Variants in FRMPD4 observed in about 807,000 individuals in gnomAD.
FRMPD4 encodes FERM and PDZ domain-containing protein 4.
Under a neutral mutation model 94.1 loss-of-function variants are expected in FRMPD4, and 22 were observed. The observed-to-expected ratio is 0.23, with a 90% CI of 0.17 to 0.33. The LOEUF is 0.33. FRMPD4 is among the 10% of genes least tolerant of loss of function. FRMPD4 has a pLI of 1.00. For synonymous variants in FRMPD4, 631 were observed against 548.6 expected, an observed-to-expected ratio of 1.15 and a Z score of -2.10; for missense variants, 1,111 against 1,339.9, an observed-to-expected ratio of 0.83 and a Z score of 2.67.
chrX:12,634,958 C>G (rs951107046), intron 4 of FRMPD4, among the ~76,000 whole-genome samples: 2 of 108,306 alleles, frequency 1.8e-5, no homozygotes, highest in African/African-American at 6.8e-5. Context: ...CTCAGCCTCC[C>G]GAGTAGCTGG....
intron 1 of FRMPD4, among the ~76,000 whole-genome samples, chrX:12,278,159 T>TC (rs2054470044): frequency 8.9e-6 from 1 of 112,475 alleles, no homozygotes; most frequent in African/African-American, 3.2e-5. Context: ...TCTCCATTCT[T>TC]CCAGAAGTTC....
chrX:12,040,072 G>A (rs748335048), intron 3 of FRMPD4, among the ~76,000 whole-genome samples: 3 of 110,829 alleles, frequency 2.7e-5, no homozygotes, highest in South Asian at 7.6e-4. Flanking sequence ...AGATAGTGTC[G>A]TCTAAGTCTT....
intron 1 of FRMPD4, among the ~76,000 whole-genome samples, chrX:12,321,252 T>C (rs995418772): frequency 8.9e-6 from 1 of 112,033 alleles, no homozygotes; most frequent in Non-Finnish European, 1.9e-5. Flanking sequence ...AGAGTTTTCA[T>C]AGCAGAGTCA....
chrX:12,677,287 C>T (rs911642391), intron 5 of FRMPD4, among the ~76,000 whole-genome samples: 1 of 111,217 alleles, frequency 9.0e-6, no homozygotes, highest in South Asian at 3.8e-4. Context: ...AAAGTCTTCC[C>T]TTTACTGTTC....
intron 1 of FRMPD4, among the ~76,000 whole-genome samples, chrX:12,168,217 A>G (rs2147639247): frequency 8.9e-6 from 1 of 111,785 alleles, no homozygotes; most frequent in East Asian, 2.8e-4. Context: ...ACTGTGCAGA[A>G]CAAAACACAC....
At chrX:12,495,097 G>A (rs1257531263) in intron 1 of FRMPD4, 9 of 449,609 alleles carry the variant, frequency 2.0e-5, no homozygotes, top group Middle Eastern at 1.3e-3. Flanking sequence ...GTTTCCTTCC[G>A]CCTTGAGAAT....
At chrX:12,206,594 G>A (rs1287862043) in intron 1 of FRMPD4, among the ~76,000 whole-genome samples, 1 of 112,172 alleles carries the variant, frequency 8.9e-6, no homozygotes. Flanking sequence ...CACATTGGCA[G>A]CAGCCACCAC....
At chrX:12,125,076 T>C (rs1464832836) in intron 3 of FRMPD4, among the ~76,000 whole-genome samples, 1 of 112,067 alleles carries the variant, frequency 8.9e-6, no homozygotes, top group East Asian at 2.8e-4. Context: ...GTGCAAGTGA[T>C]GCCATGGCAA....
chrX:12,390,920 T>C (rs2056465738), intron 1 of FRMPD4, among the ~76,000 whole-genome samples: 1 of 111,812 alleles, frequency 8.9e-6, no homozygotes. Context: ...TCATTCCCCC[T>C]TATGTCTCAA....
At chrX:12,231,643 T>G (rs960967299) in intron 1 of FRMPD4, among the ~76,000 whole-genome samples, 1 of 111,505 alleles carries the variant, frequency 9.0e-6, no homozygotes, top group Non-Finnish European at 1.9e-5. Context: ...CTACCCAGAT[T>G]TGCTGGATAA....
chrX:12,516,980 T>C (rs1355862249), intron 2 of FRMPD4, among the ~76,000 whole-genome samples: 1 of 105,122 alleles, frequency 9.5e-6, no homozygotes, highest in Non-Finnish European at 1.9e-5. Flanking sequence ...AATTCTTTCC[T>C]CTGCTTGGTC....
At chrX:11,899,321 A>G (rs1157880653) in intron 3 of FRMPD4, among the ~76,000 whole-genome samples, 1 of 110,692 alleles carries the variant, frequency 9.0e-6, no homozygotes, top group African/African-American at 3.3e-5. Flanking sequence ...TTTATGGCAG[A>G]CTAAAACCTG....
At chrX:12,058,190 TCA>T (rs1229547181) in intron 3 of FRMPD4, among the ~76,000 whole-genome samples, 4 of 111,725 alleles carry the variant, frequency 3.6e-5, no homozygotes, top group Non-Finnish European at 7.5e-5. Context: ...TTGACAAACT[TCA>T]GTCTCTTTTC....
intron 1 of FRMPD4, among the ~76,000 whole-genome samples, chrX:12,406,758 T>C (rs922633080): frequency 1.8e-5 from 2 of 112,390 alleles, no homozygotes; most frequent in Admixed American, 9.4e-5. Context: ...TGCAATTCTA[T>C]GTGTACTCAA....
chrX:12,448,109 A>C (rs5935346), intron 1 of FRMPD4, among the ~76,000 whole-genome samples: 53,448 of 110,119 alleles, frequency 0.49, 10,027 homozygotes, highest in African/African-American at 0.65. Flanking sequence ...CTGACTGTGC[A>C]TGTTCAGGGA....
At chrX:12,014,854 GA>G (rs2054597728) in intron 3 of FRMPD4, among the ~76,000 whole-genome samples, 1 of 111,369 alleles carries the variant, frequency 9.0e-6, no homozygotes, top group African/African-American at 3.3e-5. Flanking sequence ...GCCCATGACA[GA>G]GAAGTGGGAT....
At position 12,614,893 on chromosome X, in the gene FRMPD4, A is replaced by T; in HGVS notation, c.422+12A>T. 1.0e-6 allele frequency: 1 copy of T among 999,332 alleles called. No individual in the cohort carries two copies. The highest frequency in any genetic ancestry group is 1.4e-6 in the Non-Finnish European group (1 of 705,375). 82.4% of individuals were successfully genotyped at this position (999,332 alleles called of 1,213,427 possible). ...ATCGATCTGGTCAGGTGAGTGACTC[A>T]TTCACCTGTGTCCTGTTCTGCTTTG... On this transcript the variant is annotated intron_variant, in intron 4 of 16. Coordinates refer to ENST00000675598, the MANE Select transcript of FRMPD4 (RefSeq NM_001368397.1).
intron 2 of FRMPD4, among the ~76,000 whole-genome samples, chrX:12,608,171 G>T (rs1019182702): frequency 4.1e-4 from 46 of 112,693 alleles, no homozygotes; most frequent in Non-Finnish European, 2.1e-4. Flanking sequence ...TTCCCCAAAA[G>T]AAGGCTGCCT....
intron 1 of FRMPD4, among the ~76,000 whole-genome samples, chrX:12,272,340 G>A (rs767561655): frequency 2.7e-5 from 3 of 111,366 alleles, no homozygotes; most frequent in Non-Finnish European, 5.7e-5. Context: ...GTTGGTATTC[G>A]CATTTGTATG....
Sources: allele counts gnomAD v4.1 joint callset (sites outside exome capture counted in the v4.1 genomes callset), GRCh38; gene constraint gnomAD v4.1.1; transcripts MANE v1.5; gene names NCBI Gene and HGNC (gene_info 2026-07-23, HGNC 2026-07-21).